The following WAS variants were observed in gnomAD, a reference collection of about 807,000 sequenced individuals.
WAS encodes the protein WASP actin nucleation promoting factor.
Under a neutral mutation model 38.9 loss-of-function variants are expected in WAS, and 1 was observed. The observed-to-expected ratio is 0.03, with a 90% confidence interval of 0.01 to 0.12. The LOEUF (loss-of-function observed/expected upper bound fraction) is 0.12, where lower values mean the gene tolerates loss of function less well. Among genes scored for constraint, WAS ranks in the 10% least tolerant of loss-of-function variants. The probability of loss-of-function intolerance (pLI) is 1.00; values close to 1 mark genes in which losing one functional copy is unlikely to be tolerated. For synonymous variants in WAS, 182 were observed against 173.6 expected (o/e 1.05, Z -0.38); for missense variants, 311 against 431.2 (o/e 0.72, Z 2.47).
intron 1 of WAS, among the ~76,000 whole-genome samples, chrX:48,677,052 G>A (rs2147258004): frequency 8.9e-6 from 1 of 112,231 alleles, no homozygotes; most frequent in South Asian, 3.7e-4. Flanking sequence ...TGAGGGCAAG[G>A]TAGGGACTGG....
At position 48,688,890 on chromosome X, in the gene WAS, G is replaced by A; in HGVS notation, c.1162G>A (p.Ala388Thr). 8.6e-7 allele frequency: 1 copy of A among 1,166,338 alleles called. No homozygotes were observed. Among genetic ancestry groups the A allele is most frequent in the Non-Finnish European group, 1.1e-6 (1 of 872,772 alleles). The part of the protein sequence containing the change: ...SGPLPPPPPG[A>T]GGPPMPPPPP... ...ACCACTGCCCCCTCCACCCCCTGGA[G>A]CTGGTGGGCCACCCATGCCACCACC... The change falls in exon 10 of 12, where the codon GCT (alanine) becomes ACT (threonine). Residue 388 changes from alanine to threonine, a missense_variant. Transcript: ENST00000376701.
chrX:48,687,517 T>C (rs782628139), intron 7 of WAS, among the ~76,000 whole-genome samples: 1 of 110,618 alleles, frequency 9.0e-6, no homozygotes, highest in African/African-American at 3.3e-5. Context: ...TGTGGACAGA[T>C]TGATATGCAG....
upstream of WAS, among the ~76,000 whole-genome samples, chrX:48,681,178 G>GT (rs1205208643): frequency 3.3e-4 from 36 of 109,279 alleles, no homozygotes; most frequent in Middle Eastern, 4.7e-3. Context: ...CGTTTTTTGT[G>GT]TTTTTTTTTG....
chrX:48,683,679 G>A, upstream of WAS: 1 of 652,314 alleles, frequency 1.5e-6, no homozygotes, highest in South Asian at 3.1e-5. Context: ...GATGGCGGAG[G>A]GCCCAAGCTC....
intron 9 of WAS, 53 bp from the exon 10 acceptor site, chrX:48,688,607 G>A (rs1395731187): frequency 1.7e-6 from 2 of 1,207,365 alleles, no homozygotes; most frequent in African/African-American, 3.5e-5. Flanking sequence ...GCAAAACTGA[G>A]GCTCAGAAGA....
rs1179137049 is a variant in WAS at position 48,686,082 on chromosome X, G to A, written c.507G>A (p.Glu169=). The change falls in exon 6 of 12, where the codon GAG becomes GAA. Residue 169 remains glutamate (E), a splice_region_variant and synonymous_variant. Transcript: ENST00000376701. The part of the protein sequence containing the change: ...LPPPPTPANE[E]RRGGLPPLPL... ...TCTCTACACATTCCATCTTCCCAGA[G>A]AGAAGAGGAGGGCTCCCACCCCTGC... The A allele has an allele frequency of 8.3e-7, 1 of 1,210,709 alleles. No homozygotes were observed. Among genetic ancestry groups the A allele is most frequent in the Non-Finnish European group, 1.1e-6 (1 of 895,364 alleles).
chrX:48,676,693 T>TGGG (rs2062391665), exon 1 of WAS: 1 of 112,790 alleles, frequency 8.9e-6, no homozygotes, highest in Non-Finnish European at 1.9e-5. Flanking sequence ...GGACCAGGAC[T>TGGG]GGCCGACCCG....
rs2062409878 is a variant in WAS at position 48,683,802 on chromosome X, T to C, written c.-52T>C. On this transcript the variant is annotated 5_prime_UTR_variant, in exon 1 of 12. Coordinates refer to ENST00000376701, the MANE Select transcript of WAS (RefSeq NM_000377.3). ...TTGCTGCTCATTGCGGAAGTTCCTC[T>C]TCTTACCCTGCACCCAGAGCCTCGC... The C allele has an allele frequency of 5.8e-6, 7 of 1,198,571 alleles. No homozygotes were observed. In the Admixed American group the frequency reaches 1.4e-4, roughly 23 times the overall value.
Position 48,688,827 on chromosome X carries a change from C to T in WAS, c.1099C>T (p.Pro367Ser). 8.9e-7 allele frequency: 1 copy of T among 1,125,226 alleles called. No homozygotes were observed. Among genetic ancestry groups the T allele is most frequent in the Non-Finnish European group, 1.2e-6 (1 of 846,651 alleles). 92.7% of individuals were successfully genotyped at this position (1,125,226 alleles called of 1,213,427 possible). ...RGPPPPGRGG[P>S]PPPPPPATGR... ...ACCCCCACCCCCAGGCCGAGGGGGC[C>T]CTCCACCACCACCCCCTCCAGCTAC... The change falls in exon 10 of 12, where the codon CCT becomes TCT. Residue 367 changes from proline (P) to serine (S), a missense_variant. Pro to Ser is a moderately conservative substitution (Grantham distance 74, BLOSUM62 -1). Transcript: ENST00000376701.
At chrX:48,687,768 CA>C (rs1273142146) in intron 7 of WAS, among the ~76,000 whole-genome samples, 2 of 111,062 alleles carry the variant, frequency 1.8e-5, no homozygotes, top group African/African-American at 6.6e-5. Flanking sequence ...GTTGCAGAGA[CA>C]GATGTATGGA....
chrX:48,683,076 GTGT>G (rs1312672580), upstream of WAS, among the ~76,000 whole-genome samples: 1 of 109,963 alleles, frequency 9.1e-6, no homozygotes, highest in Non-Finnish European at 1.9e-5. Context: ...GGTTTTTGTT[GTGT>G]TGTTGTTGTT....
In WAS at chrX:48,686,890, T is replaced by G. The variant is rs928562174; in HGVS notation, c.669T>G (p.Ala223=). 1.7e-6 allele frequency: 2 copies of G among 1,211,651 alleles called. No individual in the cohort carries two copies. Among genetic ancestry groups the G allele is most frequent in the Admixed American group, 4.3e-5 (2 of 45,995 alleles). The change falls in exon 7 of 12, where the codon GCT becomes GCG. Residue 223 remains alanine (A), a synonymous_variant. Transcript: ENST00000376701. ...RGLPAPGPSP[A]DKKRSGKKKI... is the part of the protein sequence containing the mutation. ...TCCCAGCACCTGGACCTAGCCCAGCTGATAAGAAACGCTCAGGGAAGAAGA... is the reference window on the plus strand; with the variant it reads ...TCCCAGCACCTGGACCTAGCCCAGCGGATAAGAAACGCTCAGGGAAGAAGA...
chrX:48,684,209 A>G (rs781945347), intron 1 of WAS, 74 bp from the exon 2 acceptor site: 150 of 1,196,604 alleles, frequency 1.3e-4, no homozygotes, highest in Non-Finnish European at 1.7e-4. Context: ...TGAGGCAGGA[A>G]GGACCAGGTC....
chrX:48,689,218 G>A, intron 10 of WAS, 102 bp from the exon 11 acceptor site: 10 of 944,994 alleles, frequency 1.1e-5, no homozygotes, highest in Non-Finnish European at 1.5e-5. Flanking sequence ...AAGCCTTGAA[G>A]GGGACTGGAG....
At chrX:48,683,716 A>G (rs2062409556), upstream of WAS, 30 of 970,715 alleles carry the variant, frequency 3.1e-5, no homozygotes, top group Non-Finnish European at 3.9e-5. Context: ...CAGGCCCACC[A>G]AGGGGCCCCT....
intron 1 of WAS, 68 bp from the exon 2 acceptor site, chrX:48,684,215 A>G: frequency 8.3e-7 from 1 of 1,202,467 alleles, no homozygotes. Flanking sequence ...AGGAAGGACC[A>G]GGTCTGGCTC....
rs2147266847 is a variant in WAS, at chrX:48,688,968, C to T, written c.1240C>T (p.Pro414Ser). 1 of 1,181,478 alleles carries T rather than the reference C, an allele frequency of 8.5e-7. No individual in the cohort carries two copies. ...CTCCGGGAATGGACCAGCCCCTCCC[C>T]CACTCCCTCCTGCTCTGGTGCCTGC... ...PSSGNGPAPPPLPPALVPAGG... is the reference protein window; with the variant it reads ...PSSGNGPAPPSLPPALVPAGG... Residue 414 changes from proline to serine, a missense_variant, in exon 10 of 12, where the codon CCA (proline) becomes TCA (serine). Pro to Ser is a moderately conservative substitution (Grantham distance 74, BLOSUM62 -1). This residue lies in a region of WAS where 142 missense variants were observed against 157.6 expected (regional missense o/e 0.90). Coordinates refer to ENST00000376701, the MANE Select transcript of WAS (RefSeq NM_000377.3).
chrX:48,685,964 C>G lies in WAS; in HGVS notation c.482C>G (p.Pro161Arg). Residue 161 changes from proline (P) to arginine (R), a missense_variant, in exon 5 of 12, where the codon CCA (proline) becomes CGA (arginine). Physicochemically the swap from Pro to Arg is moderately radical, Grantham distance 103 (BLOSUM62 -2). This residue lies in a region of WAS where 31 missense variants were observed against 20.1 expected (regional missense o/e 1.55). Coordinates refer to ENST00000376701, the MANE Select transcript of WAS (RefSeq NM_000377.3). ...RQSGDRRQLP[P>R]PPTPANEERR... ...TCCACAGACAGACGCCAGCTACCCC[C>G]ACCACCAACACCAGCCAATGAAGGT... 1 of 1,211,693 alleles carries G rather than the reference C, an allele frequency of 8.3e-7. No homozygotes were observed. The highest frequency in any genetic ancestry group is 1.1e-6 in the Non-Finnish European group (1 of 895,479).
chrX:48,677,674 G>A (rs1287740206), intron 1 of WAS, among the ~76,000 whole-genome samples: 1 of 111,588 alleles, frequency 9.0e-6, no homozygotes, highest in African/African-American at 3.3e-5. Context: ...TGCTTTCTGT[G>A]CTCACCCTGT....
Sources: allele counts gnomAD v4.1 joint callset (sites outside exome capture counted in the v4.1 genomes callset), GRCh38; gene constraint gnomAD v4.1.1; regional missense constraint gnomAD v4.1.1; transcripts MANE v1.5; gene names NCBI Gene and HGNC (gene_info 2026-07-23, HGNC 2026-07-21).